The following CADPS2 variants were observed in gnomAD, a reference collection of about 807,000 sequenced individuals.
CADPS2 encodes calcium-dependent secretion activator 2.
In CADPS2, 93 loss-of-function variants were observed where a neutral mutation model predicts 172.5. The ratio of observed to expected loss-of-function variants is 0.54; its 90% CI spans 0.46 to 0.64. CADPS2 has a LOEUF of 0.64. CADPS2 is among the 30% of genes least tolerant of loss of function. The pLI, the probability that CADPS2 is intolerant of heterozygous loss-of-function variation, is 0.00. For synonymous variants in CADPS2, 546 were observed against 555.2 expected (o/e 0.98, Z 0.23); for missense variants, 1,420 against 1,565.9 (o/e 0.91, Z 1.57).
At chr7:122,680,103 G>A (rs2082861642) in intron 2 of CADPS2, among the ~76,000 whole-genome samples, 1 of 152,156 alleles carries the variant, frequency 6.6e-6, no homozygotes, top group South Asian at 2.1e-4. Flanking sequence ...CAGTTTTATT[G>A]TTGTTGCAAT....
intron 28 of CADPS2, among the ~76,000 whole-genome samples, chr7:122,328,786 T>C (rs1035993864): frequency 1.3e-5 from 2 of 152,176 alleles, no homozygotes; most frequent in African/African-American, 4.8e-5. Flanking sequence ...TTCACACTTA[T>C]TGTGCATGAC....
At chr7:122,492,450 A>G (rs945992275) in intron 9 of CADPS2, among the ~76,000 whole-genome samples, 3 of 152,046 alleles carry the variant, frequency 2.0e-5, no homozygotes, top group Non-Finnish European at 4.4e-5. Context: ...TGCTTGGATC[A>G]CAAGGCCATA....
At chr7:122,717,461 A>T (rs576685476) in intron 2 of CADPS2, among the ~76,000 whole-genome samples, 1 of 152,284 alleles carries the variant, frequency 6.6e-6, no homozygotes, top group East Asian at 1.9e-4. Context: ...ATTATAAGAC[A>T]CTTACTTATG....
chr7:122,581,195 T>C lies in CADPS2; in HGVS notation c.1319A>G (p.Asp440Gly). 1.2e-6 allele frequency: 2 copies of C among 1,613,074 alleles called. No individual in the cohort carries two copies. The highest frequency in any genetic ancestry group is 1.7e-6 in the Non-Finnish European group (2 of 1,179,250). The change falls in exon 7 of 30, where the codon GAT becomes GGT. Residue 440 changes from aspartate to glycine, a missense_variant. Asp to Gly is a moderately conservative substitution (Grantham distance 94). Transcript: ENST00000449022. Reference sequence around the variant, plus strand: ...ACAACTCACCCTTCCCAGTTCTTTATCTTCCAGGGCCAGAACTCCAGTGCT... The same window carrying C: ...ACAACTCACCCTTCCCAGTTCTTTACCTTCCAGGGCCAGAACTCCAGTGCT... The part of the protein sequence containing the change: ...TESTGVLALE[D>G]KELGRVILYP...
At chr7:122,797,700 C>A (rs1200495051) in intron 1 of CADPS2, among the ~76,000 whole-genome samples, 1 of 151,858 alleles carries the variant, frequency 6.6e-6, no homozygotes, top group Non-Finnish European at 1.5e-5. Context: ...ACAACAGACA[C>A]CAGAGCTTAT....
At chr7:122,550,328 C>T (rs763126777) in intron 8 of CADPS2, among the ~76,000 whole-genome samples, 2 of 152,038 alleles carry the variant, frequency 1.3e-5, no homozygotes, top group East Asian at 1.9e-4. Flanking sequence ...GTGTAAATAG[C>T]CAAGCATGAC....
At chr7:122,498,544 A>C (rs1034844825) in intron 9 of CADPS2, among the ~76,000 whole-genome samples, 6 of 151,322 alleles carry the variant, frequency 4.0e-5, no homozygotes, top group Non-Finnish European at 8.8e-5. Flanking sequence ...TCACCTCTTC[A>C]TTTTGAGTTC....
intron 3 of CADPS2, among the ~76,000 whole-genome samples, chr7:122,662,254 A>C (rs2080655246): frequency 6.6e-6 from 1 of 152,228 alleles, no homozygotes. Context: ...GGCATAGTTA[A>C]ATAATTTATA....
chr7:122,870,634 C>T (rs1017808271), intron 1 of CADPS2, among the ~76,000 whole-genome samples: 70 of 151,862 alleles, frequency 4.6e-4, no homozygotes, highest in African/African-American at 1.6e-3. Flanking sequence ...TTTTAACAAC[C>T]TCACCACAAA....
intron 1 of CADPS2, among the ~76,000 whole-genome samples, chr7:122,814,976 T>A (rs1800952336): frequency 6.6e-6 from 1 of 152,048 alleles, no homozygotes; most frequent in African/African-American, 2.4e-5. Context: ...TATTCCTAGG[T>A]CGGCCCCAGA....
At chr7:122,827,575 T>G (rs974668217) in intron 1 of CADPS2, among the ~76,000 whole-genome samples, 48 of 151,056 alleles carry the variant, frequency 3.2e-4, no homozygotes, top group Middle Eastern at 6.8e-3. Context: ...GAGGTTCTGG[T>G]GAGCCAAGAT....
intron 3 of CADPS2, among the ~76,000 whole-genome samples, chr7:122,658,056 A>G (rs1235618904): frequency 6.6e-6 from 1 of 152,210 alleles, no homozygotes; most frequent in Non-Finnish European, 1.5e-5. Context: ...AAAAACAAAC[A>G]ACCCCATCAA....
intron 27 of CADPS2, among the ~76,000 whole-genome samples, chr7:122,351,888 G>A (rs1049613600): frequency 1.3e-5 from 2 of 152,192 alleles, no homozygotes; most frequent in African/African-American, 2.4e-5. Context: ...TCTAGAAACA[G>A]TTATGTAGCA....
rs1461451767 is a variant in CADPS2 at position 122,770,650 on chromosome 7, G to C, written c.340-33582C>G. ...ATTAGTGCCCAGTACAGCTTGCTTG[G>C]AGCAAATGCAGAGATCAATTATCCA... On this transcript the variant is annotated intron_variant, in intron 1 of 29. Coordinates refer to ENST00000449022, the MANE Select transcript of CADPS2 (RefSeq NM_017954.11). Among the ~76,000 whole-genome samples the C allele has an allele frequency of 4.6e-5, 7 of 152,250 alleles. 1 individual carries two copies. In the East Asian group the frequency reaches 7.7e-4, roughly 17 times the overall value.
intron 17 of CADPS2, chr7:122,436,334 C>A (rs1481921875): frequency 1.6e-6 from 2 of 1,252,546 alleles, no homozygotes; most frequent in Non-Finnish European, 2.1e-6. Flanking sequence ...GAAATAATGG[C>A]TTGTGCATGC....
At chr7:122,850,597 G>T (rs766058873) in intron 1 of CADPS2, among the ~76,000 whole-genome samples, 31 of 152,190 alleles carry the variant, frequency 2.0e-4, no homozygotes, top group Non-Finnish European at 4.3e-4. Context: ...GAAGGGAGCT[G>T]GGGAAACTCA....
chr7:122,721,849 A>T (rs1236485323), intron 2 of CADPS2, among the ~76,000 whole-genome samples: 2 of 152,192 alleles, frequency 1.3e-5, no homozygotes, highest in Non-Finnish European at 1.5e-5. Context: ...CACCACGATC[A>T]AGTGGGCTTC....
At chr7:122,719,505 G>A (rs1305277687) in intron 2 of CADPS2, among the ~76,000 whole-genome samples, 2 of 152,110 alleles carry the variant, frequency 1.3e-5, no homozygotes, top group Non-Finnish European at 2.9e-5. Flanking sequence ...TGGGCAGAAA[G>A]AGAGAGAGAA....
chr7:122,841,171 A>T (rs1810376001), intron 1 of CADPS2, among the ~76,000 whole-genome samples: 1 of 152,180 alleles, frequency 6.6e-6, no homozygotes, highest in Non-Finnish European at 1.5e-5. Context: ...TCAAACTATC[A>T]AATTTGTTGA....
Sources: allele counts gnomAD v4.1 joint callset (sites outside exome capture counted in the v4.1 genomes callset), GRCh38; gene constraint gnomAD v4.1.1; transcripts MANE v1.5; gene names NCBI Gene and HGNC (gene_info 2026-07-23, HGNC 2026-07-21).